TENM3: variants seen among roughly 807,000 people sequenced by gnomAD.
TENM3 encodes teneurin transmembrane protein 3.
A neutral mutation model predicts 255.1 loss-of-function variants in TENM3; 63 were observed. That is an observed-to-expected ratio of 0.25 (90% CI 0.20 to 0.30). The LOEUF (loss-of-function observed/expected upper bound fraction) is 0.30. Among genes scored for constraint, TENM3 ranks in the 10% least tolerant of loss-of-function variants. TENM3 has a pLI of 1.00. For missense variants in TENM3, 2,929 were observed against 3,461.1 expected (o/e 0.85, Z 3.86); for synonymous variants, 1,306 against 1,322.3 (o/e 0.99, Z 0.27).
chr4:181,482,109 G>A, the TENM3 span, among the ~76,000 whole-genome samples: 1 of 151,988 alleles, frequency 6.6e-6, no homozygotes. Flanking sequence ...TTAAAAAATT[G>A]TATTTAATTT....
the TENM3 span, among the ~76,000 whole-genome samples, chr4:181,493,775 A>G: frequency 1.3e-5 from 2 of 152,144 alleles, no homozygotes; most frequent in East Asian, 3.9e-4. Flanking sequence ...AAAGTTATAG[A>G]GATAAGTTGT....
intron 1 of TENM3, among the ~76,000 whole-genome samples, chr4:182,228,392 G>GTGTGTATA (rs139457090): frequency 9.6e-6 from 1 of 104,428 alleles, no homozygotes; most frequent in African/African-American, 4.5e-5. Flanking sequence ...GTGTGTGTGT[G>GTGTGTATA]TATATGTAAT....
chr4:181,816,079 T>G, the TENM3 span, among the ~76,000 whole-genome samples: 1 of 152,216 alleles, frequency 6.6e-6, no homozygotes, highest in Admixed American at 6.5e-5. Flanking sequence ...CTGCTAACAT[T>G]TTTGTTTCAA....
chr4:181,819,509 G>A, the TENM3 span, among the ~76,000 whole-genome samples: 6 of 152,248 alleles, frequency 3.9e-5, no homozygotes, highest in African/African-American at 9.6e-5. Context: ...GGGATTGTTC[G>A]TAATTTTCCA....
At chr4:181,560,100 A>G in the TENM3 span, among the ~76,000 whole-genome samples, 1 of 152,224 alleles carries the variant, frequency 6.6e-6, no homozygotes, top group African/African-American at 2.4e-5. Context: ...AGTAACAGAA[A>G]TGCATTTCTC....
At chr4:182,100,646 T>TAC in the TENM3 span, among the ~76,000 whole-genome samples, 16 of 32,324 alleles carry the variant, frequency 4.9e-4, no homozygotes, top group African/African-American at 1.3e-3. Context: ...CACATATATA[T>TAC]ACACATATAT....
intron 1 of TENM3, among the ~76,000 whole-genome samples, chr4:182,273,792 G>A (rs190576147): frequency 1.3e-5 from 2 of 152,336 alleles, no homozygotes; most frequent in Admixed American, 6.5e-5. Context: ...ACAAAGGGAC[G>A]TGTAAATTGA....
At chr4:182,456,754 T>G (rs181863651) in intron 3 of TENM3, among the ~76,000 whole-genome samples, 4,596 of 152,220 alleles carry the variant, frequency 0.03, 119 homozygotes, top group Admixed American at 0.058. Flanking sequence ...TACCAGAAGA[T>G]TAATAGGTGA....
the TENM3 span, among the ~76,000 whole-genome samples, chr4:181,988,463 C>G: frequency 6.6e-6 from 1 of 152,054 alleles, no homozygotes; most frequent in Non-Finnish European, 1.5e-5. Flanking sequence ...TCTACAAAAA[C>G]CAGTGACCAA....
intron 22 of TENM3, among the ~76,000 whole-genome samples, chr4:182,763,195 G>A (rs1488391268): frequency 2.0e-5 from 3 of 152,184 alleles, no homozygotes; most frequent in African/African-American, 4.8e-5. Context: ...TTTTAAAGTA[G>A]TTAATTGATT....
rs146628710 is a variant in TENM3 at position 182,146,282 on chromosome 4, A to G, written c.-76+1528A>G. Among the ~76,000 whole-genome samples, 374 of 152,332 alleles carry G rather than the reference A, an allele frequency of 2.5e-3. 1 individual carries two copies. Among genetic ancestry groups the G allele is most frequent in the Admixed American group, 5.0e-3 (76 of 15,304 alleles). ...GAGCATGTATATCTTAATATATAAA[A>G]TTCTTGTATGAGCCCTGAAAGTTTG... On this transcript the variant is annotated intron_variant, in intron 1 of 2. Transcript: ENST00000512480.
the TENM3 span, among the ~76,000 whole-genome samples, chr4:181,626,334 G>T: frequency 7.2e-5 from 11 of 152,158 alleles, no homozygotes; most frequent in Admixed American, 7.2e-4. Flanking sequence ...GGTGGATAGG[G>T]ACTGTGTTGG....
chr4:182,046,813 G>A, the TENM3 span, among the ~76,000 whole-genome samples: 1 of 152,146 alleles, frequency 6.6e-6, no homozygotes, highest in Non-Finnish European at 1.5e-5. Flanking sequence ...TATTTCAGAA[G>A]AGCACCATGT....
the TENM3 span, among the ~76,000 whole-genome samples, chr4:181,781,612 C>A: frequency 6.6e-6 from 1 of 152,150 alleles, no homozygotes. Flanking sequence ...CCCTTTATTT[C>A]TTTCTCGTGT....
rs193273648 is a variant in TENM3, at chr4:182,629,550, C to T, written c.988+661C>T. Reference sequence around the variant, plus strand: ...TTCATAACATATCTGAGCATTCACACTACTGGAAATCGCTTTTTAAAATGC... The same window carrying T: ...TTCATAACATATCTGAGCATTCACATTACTGGAAATCGCTTTTTAAAATGC... On this transcript the variant is annotated intron_variant, in intron 5 of 27. Transcript: ENST00000511685. 2.0e-5 allele frequency among the ~76,000 whole-genome samples: 3 copies of T among 152,252 alleles called. No individual in the cohort carries two copies. The East Asian group carries it at 5.8e-4, about 29-fold the overall frequency.
intron 1 of TENM3, among the ~76,000 whole-genome samples, chr4:182,161,828 C>CACATATATGTGT (rs1360180932): frequency 7.7e-5 from 1 of 12,952 alleles, no homozygotes; most frequent in African/African-American, 3.6e-4. Context: ...TATATATACA[C>CACATATATGTGT]ATATATATGT....
chr4:181,805,994 T>C, the TENM3 span, among the ~76,000 whole-genome samples: 2 of 152,172 alleles, frequency 1.3e-5, no homozygotes, highest in Non-Finnish European at 2.9e-5. Context: ...TCCGATATTT[T>C]CAGGTAACAG....
the TENM3 span, among the ~76,000 whole-genome samples, chr4:181,841,284 AT>A: frequency 6.6e-6 from 1 of 152,116 alleles, no homozygotes; most frequent in Admixed American, 6.6e-5. Context: ...AGTAATTTAT[AT>A]TCTCTCTTAT....
At chr4:182,453,937 G>A (rs936313929) in intron 3 of TENM3, among the ~76,000 whole-genome samples, 1 of 152,022 alleles carries the variant, frequency 6.6e-6, no homozygotes, top group African/African-American at 2.4e-5. Context: ...TTGTACATTA[G>A]CGGAGTAGAC....
Sources: gnomAD v4.1 joint callset for allele counts (sites outside exome capture counted in the v4.1 genomes callset) on GRCh38, gnomAD v4.1.1 for gene constraint, MANE v1.5 for transcripts, NCBI Gene and HGNC (gene_info 2026-07-23, HGNC 2026-07-21) for gene names.